The following PDHB variants were observed in gnomAD, a reference collection of about 807,000 sequenced individuals.
The protein encoded by PDHB is pyruvate dehydrogenase E1 component subunit beta, mitochondrial.
PDHB carries 17 observed loss-of-function variants against 42.8 expected under a neutral mutation model. That is an observed-to-expected ratio of 0.40 (90% confidence interval 0.27 to 0.60). The LOEUF (loss-of-function observed/expected upper bound fraction) is 0.60. PDHB is among the 20% of genes least tolerant of loss of function. The probability of loss-of-function intolerance (pLI) is 0.46; values close to 1 mark genes in which losing one functional copy is unlikely to be tolerated. For missense variants in PDHB, 322 were observed against 451.3 expected (o/e 0.71, Z 2.60); for synonymous variants, 154 against 148.7 (o/e 1.04, Z -0.26).
chr3:58,428,746 C>G, intron 8 of PDHB, 132 bp from the exon 9 acceptor site: 3 of 787,510 alleles, frequency 3.8e-6, no homozygotes, highest in African/African-American at 1.7e-5. Context: ...CTATGAATAC[C>G]TATTCATGAA....
intron 2 of PDHB, 109 bp downstream of exon 2, chr3:58,433,522 C>G: frequency 8.0e-7 from 1 of 1,254,166 alleles, no homozygotes; most frequent in Non-Finnish European, 1.1e-6. Flanking sequence ...TCCGCAAACC[C>G]AAGGCCCACG....
At chr3:58,429,436 G>GT (rs1332808521) in intron 8 of PDHB, among the ~76,000 whole-genome samples, 8 of 151,654 alleles carry the variant, frequency 5.3e-5, no homozygotes, top group Non-Finnish European at 1.2e-4. Flanking sequence ...ACAAAAGCCT[G>GT]TTTTTTTCTC....
rs773027388 is a variant in PDHB, at chr3:58,428,466, G to T, written c.934+7C>A. 6.2e-7 allele frequency: 1 copy of T among 1,613,876 alleles called. No individual in the cohort carries two copies. The highest frequency in any genetic ancestry group is 1.1e-5 in the South Asian group (1 of 91,078). On this transcript the variant is annotated splice_region_variant and intron_variant, in intron 9 of 9. Coordinates refer to ENST00000302746, the MANE Select transcript of PDHB (RefSeq NM_000925.4). ...ACTGTATTCTAGAACCAGTTTCTTT[G>T]AAATACCTTCCATGATCCTGGCACA...
rs759100596 is a variant in PDHB, at chr3:58,428,627, T to C, written c.793-13A>G. 10 of 1,608,944 alleles carry C rather than the reference T, an allele frequency of 6.2e-6. No homozygotes were observed. In the African/African-American group the frequency reaches 1.1e-4, roughly 17 times the overall value. On this transcript the variant is annotated splice_polypyrimidine_tract_variant and intron_variant, in intron 8 of 9. Transcript: ENST00000302746. ...GCATATTTATCACCTAAACAGGTAA[T>C]ATAATCAAGTTTACAGAGCTATTGC...
Position 58,427,981 on chromosome 3 carries a change from A to G in PDHB, c.*53T>C, listed in dbSNP as rs1485175090. ...GGTCTTGCAGTACAAATCCAGGTGC[A>G]GTGCCAGCAAGTATTTCAAATAAAT... is the stretch of plus-strand genomic sequence containing the variant. On this transcript the variant is annotated 3_prime_UTR_variant, in exon 10 of 10. Coordinates refer to ENST00000302746, the MANE Select transcript of PDHB (RefSeq NM_000925.4). The G allele has an allele frequency of 2.3e-6, 3 of 1,318,208 alleles. No homozygotes were observed. Among genetic ancestry groups the G allele is most frequent in the African/African-American group, 1.4e-5 (1 of 69,474 alleles). The allele number at this position is 1,318,208 out of a possible 1,614,324, so 81.7% of individuals were successfully genotyped here. A position where few individuals can be genotyped will look rare whatever the true frequency, so the allele number is the denominator to read the frequency against.
chr3:58,430,875 A>G lies in PDHB; in HGVS notation c.371T>C (p.Ile124Thr). Residue 124 changes from isoleucine (I) to threonine (T), a missense_variant, in exon 6 of 10, where the codon ATA (isoleucine) becomes ACA (threonine). By Grantham distance (89) the Ile-to-Thr change is moderately conservative. This residue lies in a region of PDHB where 56 missense variants were observed against 124.2 expected (regional missense o/e 0.45). Coordinates refer to ENST00000302746, the MANE Select transcript of PDHB (RefSeq NM_000925.4). Reference sequence around the variant, plus strand: ...GTAGTAGGTCTTGGCAGCTGAGTTTATAACCTGGTCAATGGCTTGCATGGA... The same window carrying G: ...GTAGTAGGTCTTGGCAGCTGAGTTTGTAACCTGGTCAATGGCTTGCATGGA... ...NFSMQAIDQVINSAAKTYYMS... is the reference protein window; with the variant it reads ...NFSMQAIDQVTNSAAKTYYMS... 6.2e-7 allele frequency: 1 copy of G among 1,614,240 alleles called. No individual in the cohort carries two copies. Among genetic ancestry groups the G allele is most frequent in the African/African-American group, 1.3e-5 (1 of 75,060 alleles).
chr3:58,432,907 G>C (rs530309201), intron 2 of PDHB: 1 of 150,932 alleles, frequency 6.6e-6, no homozygotes, highest in East Asian at 2.0e-4. Context: ...TGTGAGGCGC[G>C]AGAATCCCTT....
In PDHB at chr3:58,431,036, GTTTTTATTTTTTA is replaced by G. The variant is rs1241865734; in HGVS notation, c.304-107_304-95del. The G allele has an allele frequency of 2.8e-5, 34 of 1,229,036 alleles. No homozygotes were observed. Among genetic ancestry groups the G allele is most frequent in the Admixed American group, 9.3e-5 (5 of 53,740 alleles). The allele number at this position is 1,229,036 out of a possible 1,614,324, so 76.1% of individuals were successfully genotyped here. A position where few individuals can be genotyped will look rare whatever the true frequency, so the allele number is the denominator to read the frequency against. ...CCAAGTCTTCCAACATTCAAATAAT[GTTTTTATTTTTTA>G]TTTTTATTTTTTATGGACAGGGTCT... On this transcript the variant is annotated intron_variant, in intron 5 of 9. Transcript: ENST00000302746. The surrounding 1 kb of genome is among the most constrained non-coding windows in gnomAD (Gnocchi z 4.4).
At chr3:58,433,402 CTAGTCT>C (rs771416839) in intron 2 of PDHB, 10 of 600,642 alleles carry the variant, frequency 1.7e-5, no homozygotes, top group Non-Finnish European at 2.7e-5. Flanking sequence ...GAGGAAACGC[CTAGTCT>C]TAGTTTTCCC....
Position 58,433,826 on chromosome 3 carries a change from A to T in PDHB, c.-17T>A. 1 of 1,607,990 alleles carries T rather than the reference A, an allele frequency of 6.2e-7. No individual in the cohort carries two copies. Among genetic ancestry groups the T allele is most frequent in the Non-Finnish European group, 8.5e-7 (1 of 1,178,012 alleles). On this transcript the variant is annotated 5_prime_UTR_variant, in exon 1 of 10. Transcript: ENST00000302746. The stretch of plus-strand genomic sequence containing the variant: ...CGCCGCCATCTTGGTCGTGTCCTCT[A>T]TCCGCTGCCAAACGACAACAGAGGG...
chr3:58,428,139 G>C lies in PDHB; in HGVS notation c.975C>G (p.Val325=). 2.5e-6 allele frequency: 4 copies of C among 1,613,586 alleles called. No individual in the cohort carries two copies. The highest frequency in any genetic ancestry group is 3.4e-6 in the Non-Finnish European group (4 of 1,179,474). ...FNFLDAPAVR[V]TGADVPMPYA... is the part of the protein sequence containing the mutation. ...AAGGCATAGGGACATCAGCACCAGT[G>C]ACACGAACAGCAGGAGCATCCAGGA... Residue 325 remains valine, a synonymous_variant, in exon 10 of 10, where the codon GTC becomes GTG. Coordinates refer to ENST00000302746, the MANE Select transcript of PDHB (RefSeq NM_000925.4).
At chr3:58,432,590 G>A (rs990361467) in intron 2 of PDHB, 1 of 159,838 alleles carries the variant, frequency 6.3e-6, no homozygotes, top group Non-Finnish European at 1.4e-5. Flanking sequence ...CCAGCTACTC[G>A]GGAGGCTGAG....
At position 58,433,829 on chromosome 3, in the gene PDHB, C is replaced by A; in HGVS notation, c.-20G>T. On this transcript the variant is annotated 5_prime_UTR_variant, in exon 1 of 10. Coordinates refer to ENST00000302746, the MANE Select transcript of PDHB (RefSeq NM_000925.4). ...CGCCATCTTGGTCGTGTCCTCTATC[C>A]GCTGCCAAACGACAACAGAGGGGCC... The A allele has an allele frequency of 1.2e-6, 2 of 1,606,730 alleles. No individual in the cohort carries two copies. Among genetic ancestry groups the A allele is most frequent in the Non-Finnish European group, 8.5e-7 (1 of 1,177,430 alleles).
Position 58,431,979 on chromosome 3 carries a change from T to C in PDHB, c.102A>G (p.Thr34=). The stretch of plus-strand genomic sequence containing the variant: ...TACCCTGATTTATAGCATCACGAAC[T>C]GTCACCTGTCACAGGTATGCAAAAA... The part of the protein sequence containing the change: ...HWTAPAALQV[T]VRDAINQGMD... Residue 34 remains threonine, a synonymous_variant, in exon 3 of 10, where the codon ACA becomes ACG. Transcript: ENST00000302746. The surrounding 1 kb of genome is among the most constrained non-coding windows in gnomAD (Gnocchi z 4.4). 6.2e-7 allele frequency: 1 copy of C among 1,605,936 alleles called. No individual in the cohort carries two copies. The highest frequency in any genetic ancestry group is 8.5e-7 in the Non-Finnish European group (1 of 1,172,474).
chr3:58,433,799 A>G lies in PDHB; in HGVS notation c.11T>C (p.Val4Ala), dbSNP rs751921912. The change falls in exon 1 of 10, where the codon GTG becomes GCG. Residue 4 changes from valine to alanine, a missense_variant. Val to Ala is a moderately conservative substitution (Grantham distance 64). Coordinates refer to ENST00000302746, the MANE Select transcript of PDHB (RefSeq NM_000925.4). MAA[V>A]SGLVRRPLRE... is the part of the protein sequence containing the mutation. ...AAGGGGTCTCCGCACCAAGCCAGACACCGCCGCCATCTTGGTCGTGTCCTC... is the reference window on the plus strand; with the variant it reads ...AAGGGGTCTCCGCACCAAGCCAGACGCCGCCGCCATCTTGGTCGTGTCCTC... The G allele has an allele frequency of 1.4e-5, 22 of 1,611,322 alleles. No homozygotes were observed. The highest frequency in any genetic ancestry group is 1.7e-5 in the Non-Finnish European group (20 of 1,179,416).
Position 58,427,944 on chromosome 3 carries a change from T to C in PDHB, c.*90A>G. 2 of 972,212 alleles carry C rather than the reference T, an allele frequency of 2.1e-6. No homozygotes were observed. The highest frequency in any genetic ancestry group is 1.3e-5 in the South Asian group (1 of 74,102). 60.2% of individuals were successfully genotyped at this position (972,212 alleles called of 1,614,324 possible). ...TGTTGCTTTAGAAATCGTTTTCCGT[T>C]ATGAATAGTCAGGTCTTGCAGTACA... On this transcript the variant is annotated 3_prime_UTR_variant, in exon 10 of 10. Transcript: ENST00000302746.
Position 58,433,618 on chromosome 3 carries a change from C to G in PDHB, c.96+13G>C, listed in dbSNP as rs767645261. 1.2e-6 allele frequency: 2 copies of G among 1,607,868 alleles called. No individual in the cohort carries two copies. ...CTCCCCGCCCTCGTCCGACGAGCAC[C>G]CGCGCCTGTTACCTGCAGCGCAGCC... is the stretch of plus-strand genomic sequence containing the variant. On this transcript the variant is annotated intron_variant, in intron 2 of 9. Transcript: ENST00000302746.
chr3:58,430,933 G>T lies in PDHB; in HGVS notation c.313C>A (p.Arg105=). Residue 105 remains arginine, a synonymous_variant, in exon 6 of 10, where the codon CGG becomes AGG. Transcript: ENST00000302746. Reference sequence around the variant, plus strand: ...AAGGTCATAAATTCACAAATGGGCCGCAACCCAGCCTGTAAAATCAAAAAC... The same window carrying T: ...AAGGTCATAAATTCACAAATGGGCCTCAACCCAGCCTGTAAAATCAAAAAC... ...IAVGAAMAGL[R]PICEFMTFNF... 6.2e-7 allele frequency: 1 copy of T among 1,613,952 alleles called. No individual in the cohort carries two copies. Among genetic ancestry groups the T allele is most frequent in the Non-Finnish European group, 8.5e-7 (1 of 1,180,014 alleles).
In PDHB at chr3:58,431,170, A is replaced by G. The variant is rs2062916805; in HGVS notation, c.304-228T>C. ...GTAATCCTTCCTCAGCATCCCGAGTAGCTGGGACTGCAGGCAAGCACCACC... is the reference window on the plus strand; with the variant it reads ...GTAATCCTTCCTCAGCATCCCGAGTGGCTGGGACTGCAGGCAAGCACCACC... On this transcript the variant is annotated intron_variant, in intron 5 of 9. Transcript: ENST00000302746. This position sits in a 1 kb window ranked among gnomAD's most constrained non-coding sequence, Gnocchi z 4.4. The G allele has an allele frequency of 3.5e-6, 2 of 576,044 alleles. No individual in the cohort carries two copies. Among genetic ancestry groups the G allele is most frequent in the Non-Finnish European group, 6.1e-6 (2 of 325,222 alleles). 35.7% of individuals were successfully genotyped at this position (576,044 alleles called of 1,614,324 possible). A position where few individuals can be genotyped will look rare whatever the true frequency, so the allele number is the denominator to read the frequency against.
Sources: allele counts gnomAD v4.1 joint callset (sites outside exome capture counted in the v4.1 genomes callset), GRCh38; gene constraint gnomAD v4.1.1; regional missense constraint gnomAD v4.1.1; non-coding constraint Gnocchi (gnomAD v3.1); transcripts MANE v1.5; gene names NCBI Gene and HGNC (gene_info 2026-07-23, HGNC 2026-07-21).